The following PCED1B variants were observed in gnomAD, a reference collection of about 807,000 sequenced individuals.
The protein encoded by PCED1B is PC-esterase domain containing 1B.
For missense variants in PCED1B, 573 were observed against 573.9 expected (o/e 1.00, Z 0.02); for synonymous variants, 251 against 246.1 (o/e 1.02, Z -0.19).
intron 2 of PCED1B, among the ~76,000 whole-genome samples, chr12:47,152,242 C>T (rs187267268): frequency 3.6e-4 from 55 of 152,262 alleles, no homozygotes; most frequent in African/African-American, 1.3e-3. Flanking sequence ...GGGAAAAAAT[C>T]ATAAATTCCA....
At chr12:47,148,382 A>G (rs1388893800) in intron 2 of PCED1B, among the ~76,000 whole-genome samples, 1 of 152,222 alleles carries the variant, frequency 6.6e-6, no homozygotes, top group Non-Finnish European at 1.5e-5. Flanking sequence ...GCTATTCCTA[A>G]TGCCCATGGT....
At chr12:47,211,561 G>A (rs183283273) in intron 2 of PCED1B, among the ~76,000 whole-genome samples, 371 of 150,278 alleles carry the variant, frequency 2.5e-3, no homozygotes, top group African/African-American at 8.6e-3. Context: ...GGCTGAGGCA[G>A]GAGAACTGCT....
intron 2 of PCED1B, among the ~76,000 whole-genome samples, chr12:47,153,118 G>C (rs1565570610): frequency 6.6e-6 from 1 of 152,066 alleles, no homozygotes; most frequent in Non-Finnish European, 1.5e-5. Flanking sequence ...GGGAGGCTGA[G>C]GTGGGCAGAT....
rs200331752 is a variant in PCED1B at position 47,236,223 on chromosome 12, C to A, written c.1160C>A (p.Pro387His). ...PQLPMPFFPT[P>H]RYQRPAPVVH... ...CTGCCTATGCCCTTCTTCCCCACAC[C>A]CCGTTATCAGCGGCCTGCCCCAGTG... is the stretch of plus-strand genomic sequence containing the variant. The change falls in exon 4 of 4, where the codon CCC (proline) becomes CAC (histidine). Residue 387 changes from proline to histidine, a missense_variant. Pro to His is a moderately conservative substitution (Grantham distance 77). Coordinates refer to ENST00000546455, the MANE Select transcript of PCED1B (RefSeq NM_138371.3). The A allele has an allele frequency of 6.2e-7, 1 of 1,614,040 alleles. No homozygotes were observed. Among genetic ancestry groups the A allele is most frequent in the Non-Finnish European group, 8.5e-7 (1 of 1,180,046 alleles).
At chr12:47,169,897 C>CTT (rs35457537) in intron 2 of PCED1B, among the ~76,000 whole-genome samples, 22 of 100,516 alleles carry the variant, frequency 2.2e-4, no homozygotes, top group African/African-American at 8.0e-4. Context: ...TATTACTCAT[C>CTT]TTTTTTTTTT....
chr12:47,146,136 G>T (rs1268620152), intron 2 of PCED1B, among the ~76,000 whole-genome samples: 1 of 152,170 alleles, frequency 6.6e-6, no homozygotes, highest in Non-Finnish European at 1.5e-5. Context: ...GACTTCAGTG[G>T]AGGAAGTAAC....
intron 3 of PCED1B, among the ~76,000 whole-genome samples, chr12:47,223,113 AGAG>A (rs1943534647): frequency 6.7e-6 from 1 of 149,190 alleles, no homozygotes; most frequent in African/African-American, 2.4e-5. Flanking sequence ...AATAAGAAAA[AGAG>A]AGAGAGAGAG....
chr12:47,158,382 C>T (rs1429590507), intron 2 of PCED1B, among the ~76,000 whole-genome samples: 2 of 152,108 alleles, frequency 1.3e-5, no homozygotes, highest in Non-Finnish European at 2.9e-5. Flanking sequence ...TTCCAGTTTT[C>T]GATTTGCATC....
Position 47,139,928 on chromosome 12 carries a change from T to C in PCED1B, c.-526+35733T>C, listed in dbSNP as rs1940530918. Among the ~76,000 whole-genome samples the C allele has an allele frequency of 2.6e-5, 4 of 152,150 alleles. No individual in the cohort carries two copies. In the South Asian group the frequency reaches 8.3e-4, roughly 32 times the overall value. On this transcript the variant is annotated intron_variant, in intron 2 of 3. Transcript: ENST00000546455. ...ATAGTATATAGTGTGTACATGTGTGTTTCGTGTGAGTAGGGTATAAAATAT... is the reference window on the plus strand; with the variant it reads ...ATAGTATATAGTGTGTACATGTGTGCTTCGTGTGAGTAGGGTATAAAATAT...
At chr12:47,192,432 T>C (rs922532688) in intron 2 of PCED1B, among the ~76,000 whole-genome samples, 6 of 152,162 alleles carry the variant, frequency 3.9e-5, no homozygotes, top group Admixed American at 3.3e-4. Context: ...TCTATCCAAA[T>C]GGGTGCTCCT....
intron 3 of PCED1B, among the ~76,000 whole-genome samples, chr12:47,221,814 G>T (rs1943486285): frequency 6.6e-6 from 1 of 152,120 alleles, no homozygotes; most frequent in African/African-American, 2.4e-5. Context: ...TAGAGAAGTG[G>T]GAAGTGGCTG....
At chr12:47,172,340 C>CTTT (rs34230051) in intron 2 of PCED1B, among the ~76,000 whole-genome samples, 893 of 78,058 alleles carry the variant, frequency 0.011, 3 homozygotes, top group Non-Finnish European at 0.015. Flanking sequence ...TCGTGGGTTG[C>CTTT]TTTTTTTTTT....
chr12:47,233,085 G>C (rs535690536), intron 3 of PCED1B, among the ~76,000 whole-genome samples: 1 of 152,124 alleles, frequency 6.6e-6, no homozygotes, highest in South Asian at 2.1e-4. Context: ...GTTAATTTTT[G>C]TATAAAGATG....
At position 47,181,917 on chromosome 12, in the gene PCED1B, C is replaced by T. The variant is rs547384944; in HGVS notation, c.-525-34305C>T. 1.2e-3 allele frequency among the ~76,000 whole-genome samples: 190 copies of T among 152,260 alleles called. 1 individual carries two copies. Among genetic ancestry groups the T allele is most frequent in the Non-Finnish European group, 1.7e-3 (118 of 68,006 alleles). On this transcript the variant is annotated intron_variant, in intron 2 of 3. Transcript: ENST00000546455. ...CCTTCAAAATCAGAACTAAACCCAA[C>T]AAGATCAGTGCAGAAGTGCATTCTA...
rs1555141999 is a variant in PCED1B at position 47,151,150 on chromosome 12, CAT to C, written c.-526+46957_-526+46958del. ...TATATAATATATACACACACACACACATACACATATATTTATAAATATACAGT... is the reference window on the plus strand; with the variant it reads ...TATATAATATATACACACACACACACACACATATATTTATAAATATACAGT... On this transcript the variant is annotated intron_variant, in intron 2 of 3. Transcript: ENST00000546455. Among the ~76,000 whole-genome samples the C allele has an allele frequency of 1.5e-4, 23 of 151,402 alleles. 1 individual carries two copies. Among genetic ancestry groups the C allele is most frequent in the African/African-American group, 5.6e-4 (23 of 41,318 alleles).
chr12:47,116,149 A>G (rs566852734), intron 2 of PCED1B, among the ~76,000 whole-genome samples: 2 of 152,306 alleles, frequency 1.3e-5, no homozygotes, highest in East Asian at 3.9e-4. Flanking sequence ...GACCTTTACT[A>G]TCAACGTATC....
intron 3 of PCED1B, among the ~76,000 whole-genome samples, chr12:47,218,988 A>T (rs896761817): frequency 1.2e-4 from 18 of 152,092 alleles, no homozygotes; most frequent in Admixed American, 9.8e-4. Context: ...TAAAAATAGA[A>T]CAATTATCTG....
chr12:47,170,478 C>T (rs1218379708), intron 2 of PCED1B, among the ~76,000 whole-genome samples: 4 of 144,964 alleles, frequency 2.8e-5, no homozygotes, highest in Non-Finnish European at 1.5e-5. Context: ...CGGGCAGAGG[C>T]GCCCCCCACC....
intron 2 of PCED1B, among the ~76,000 whole-genome samples, chr12:47,139,659 G>A (rs976572161): frequency 2.0e-5 from 3 of 152,092 alleles, no homozygotes; most frequent in African/African-American, 7.2e-5. Context: ...GTGTGGTATG[G>A]TATGTGTAGT....
Sources: gnomAD v4.1 joint callset for allele counts (sites outside exome capture counted in the v4.1 genomes callset) on GRCh38, gnomAD v4.1.1 for gene constraint, MANE v1.5 for transcripts, NCBI Gene and HGNC (gene_info 2026-07-23, HGNC 2026-07-21) for gene names.